DMXL2: variants seen among roughly 807,000 people sequenced by gnomAD.
DMXL2 encodes the protein dmX-like protein 2.
DMXL2 carries 103 observed loss-of-function variants against 331.1 expected under a neutral mutation model. The observed-to-expected ratio is 0.31, with a 90% CI of 0.27 to 0.37. The LOEUF is 0.37. Among genes scored for constraint, DMXL2 ranks in the 10% least tolerant of loss-of-function variants. The pLI is 1.00. For missense variants in DMXL2, 3,171 were observed against 3,642.9 expected, an observed-to-expected ratio of 0.87 and a Z score of 3.33; for synonymous variants, 1,281 against 1,252.1, an observed-to-expected ratio of 1.02 and a Z score of -0.49.
At chr15:51,459,759 T>TA in intron 33 of DMXL2, 99 bp from the exon 34 acceptor site, 1 of 1,217,064 alleles carries the variant, frequency 8.2e-7, no homozygotes, top group Non-Finnish European at 1.1e-6. Context: ...CTCCACCACT[T>TA]AAAGATGATA....
At chr15:51,560,674 AAAAAAAAAGAAAAG>A (rs1487098235) in intron 6 of DMXL2, among the ~76,000 whole-genome samples, 2 of 151,212 alleles carry the variant, frequency 1.3e-5, no homozygotes, top group East Asian at 1.9e-4. Flanking sequence ...GTCTCAAAAA[AAAAAAAAAGAAAAG>A]AAAAAAAAGA....
intron 13 of DMXL2, among the ~76,000 whole-genome samples, chr15:51,527,050 G>A (rs1352032980): frequency 1.3e-5 from 2 of 152,108 alleles, no homozygotes. Flanking sequence ...GCTATAGAAC[G>A]CCAAGCAGAC....
At position 51,514,613 on chromosome 15, in the gene DMXL2, C is replaced by T. The variant is rs533865934; in HGVS notation, c.2527-54G>A. On this transcript the variant is annotated intron_variant, in intron 14 of 43. Transcript: ENST00000560891. ...TTTATCTTTGAAATTCCCTGTCTCCCATCTCCCATCTGTCACCTCCCCAAT... is the reference window on the plus strand; with the variant it reads ...TTTATCTTTGAAATTCCCTGTCTCCTATCTCCCATCTGTCACCTCCCCAAT... 1.4e-5 allele frequency: 15 copies of T among 1,085,744 alleles called. No homozygotes were observed. In the African/African-American group the frequency reaches 2.2e-4, roughly 16 times the overall value. 67.3% of individuals were successfully genotyped at this position (1,085,744 alleles called of 1,614,324 possible).
Position 51,502,978 on chromosome 15 carries a change from C to A in DMXL2, c.2820G>T (p.Lys940Asn). The A allele has an allele frequency of 6.2e-7, 1 of 1,613,998 alleles. No individual in the cohort carries two copies. ...AGGTTTCTGGAGAAGAATCTACGTTCTTCTGTCCAGGGACTGAAAGTAGAC... is the reference window on the plus strand; with the variant it reads ...AGGTTTCTGGAGAAGAATCTACGTTATTCTGTCCAGGGACTGAAAGTAGAC... ...SESLLSVPGQ[K>N]NVDSSPETSP... The change falls in exon 17 of 44, where the codon AAG (lysine) becomes AAT (asparagine). Residue 940 changes from lysine to asparagine, a missense_variant. By Grantham distance (94) the Lys-to-Asn change is moderately conservative (BLOSUM62 0). Coordinates refer to ENST00000560891, the MANE Select transcript of DMXL2 (RefSeq NM_001378457.1).
At chr15:51,454,632 G>T (rs1407658878) in intron 40 of DMXL2, among the ~76,000 whole-genome samples, 1 of 152,082 alleles carries the variant, frequency 6.6e-6, no homozygotes, top group South Asian at 2.1e-4. Context: ...GAGTAGCTGG[G>T]ACTTCATGCA....
chr15:51,572,675 T>C (rs1383595938), intron 2 of DMXL2, among the ~76,000 whole-genome samples: 4 of 152,034 alleles, frequency 2.6e-5, no homozygotes, highest in Admixed American at 2.6e-4. Context: ...AGAGAACCGA[T>C]GACAAAAACC....
chr15:51,481,168 C>T lies in DMXL2; in HGVS notation c.5938G>A (p.Glu1980Lys). The T allele has an allele frequency of 1.2e-6, 2 of 1,613,738 alleles. No homozygotes were observed. Among genetic ancestry groups the T allele is most frequent in the Non-Finnish European group, 1.7e-6 (2 of 1,179,766 alleles). The change falls in exon 24 of 44, where the codon GAA (glutamate) becomes AAA (lysine). Residue 1980 changes from glutamate (E) to lysine (K), a missense_variant. Coordinates refer to ENST00000560891, the MANE Select transcript of DMXL2 (RefSeq NM_001378457.1). The stretch of plus-strand genomic sequence containing the variant: ...TCATCTAAGGCACTGTCGTGATCTT[C>T]ACCCCAATCAAGATTAAGAGGTTCC... ...DEEPLNLDWG[E>K]DHDSALDEEE...
chr15:51,519,394 A>G (rs2140703247), intron 13 of DMXL2, among the ~76,000 whole-genome samples: 1 of 152,284 alleles, frequency 6.6e-6, no homozygotes, highest in East Asian at 1.9e-4. Context: ...CTGGGATTAC[A>G]GGCATAAACC....
intron 6 of DMXL2, among the ~76,000 whole-genome samples, chr15:51,550,185 T>A (rs1164927680): frequency 6.6e-6 from 1 of 152,078 alleles, no homozygotes; most frequent in Non-Finnish European, 1.5e-5. Flanking sequence ...CAAATGATCA[T>A]CTCAACAGAT....
intron 1 of DMXL2, among the ~76,000 whole-genome samples, chr15:51,599,148 C>T (rs1321502481): frequency 6.6e-6 from 1 of 152,212 alleles, no homozygotes; most frequent in Non-Finnish European, 1.5e-5. Flanking sequence ...GACCTTTAAG[C>T]TAGCTCCAGT....
intron 18 of DMXL2, among the ~76,000 whole-genome samples, chr15:51,495,428 TA>T: frequency 6.6e-6 from 1 of 152,286 alleles, no homozygotes; most frequent in South Asian, 2.1e-4. Flanking sequence ...GGAAATCCAA[TA>T]AAAAATATAT....
chr15:51,491,417 G>A (rs1455744514), intron 20 of DMXL2, among the ~76,000 whole-genome samples, 161 bp downstream of exon 20: 1 of 151,992 alleles, frequency 6.6e-6, no homozygotes, highest in East Asian at 1.9e-4. Flanking sequence ...CTCCAGCCTA[G>A]GCGACAAGAG....
intron 13 of DMXL2, among the ~76,000 whole-genome samples, chr15:51,530,191 C>T (rs1014573167): frequency 6.6e-6 from 1 of 152,154 alleles, no homozygotes; most frequent in African/African-American, 2.4e-5. Context: ...TGCTCACTTT[C>T]ACCACTGTTA....
intron 6 of DMXL2, 117 bp from the exon 7 acceptor site, chr15:51,547,525 C>T: frequency 1.7e-6 from 1 of 600,194 alleles, no homozygotes; most frequent in Non-Finnish European, 2.6e-6. Context: ...GTGACTTATA[C>T]ATAATACAAA....
At chr15:51,524,435 G>C (rs962197068) in intron 13 of DMXL2, among the ~76,000 whole-genome samples, 1 of 152,062 alleles carries the variant, frequency 6.6e-6, no homozygotes, top group Non-Finnish European at 1.5e-5. Context: ...ACCTTCATAA[G>C]AACCAAAAAT....
At chr15:51,609,637 C>G (rs2053824027) in intron 1 of DMXL2, among the ~76,000 whole-genome samples, 1 of 152,112 alleles carries the variant, frequency 6.6e-6, no homozygotes, top group South Asian at 2.1e-4. Context: ...GCTATACTAT[C>G]TACGTTTGTG....
intron 42 of DMXL2, chr15:51,450,725 AAAC>A (rs2039058697): frequency 5.5e-6 from 1 of 180,234 alleles, no homozygotes; most frequent in Non-Finnish European, 1.2e-5. Context: ...TAAGTAATTG[AAAC>A]AACGACACTA....
intron 26 of DMXL2, among the ~76,000 whole-genome samples, chr15:51,477,568 G>T (rs1358677013): frequency 6.6e-6 from 1 of 151,892 alleles, no homozygotes; most frequent in Non-Finnish European, 1.5e-5. Context: ...CCCACAAAAG[G>T]CTGCTACCAT....
intron 6 of DMXL2, among the ~76,000 whole-genome samples, chr15:51,559,867 C>CT (rs2141017212): frequency 6.6e-6 from 1 of 152,302 alleles, no homozygotes; most frequent in South Asian, 2.1e-4. Flanking sequence ...AGTATATCAA[C>CT]TTTGGAAAAC....
Sources: gnomAD v4.1 joint callset for allele counts (sites outside exome capture counted in the v4.1 genomes callset) on GRCh38, gnomAD v4.1.1 for gene constraint, MANE v1.5 for transcripts, NCBI Gene and HGNC (gene_info 2026-07-23, HGNC 2026-07-21) for gene names.